HNF4A: variants seen among roughly 807,000 people sequenced by gnomAD.
HNF4A encodes the protein hepatocyte nuclear factor 4-alpha.
In HNF4A, 15 loss-of-function variants were observed where a neutral mutation model predicts 52.4. The observed-to-expected ratio is 0.29, with a 90% confidence interval of 0.19 to 0.44. HNF4A has a LOEUF of 0.44. HNF4A is among the 20% of genes least tolerant of loss of function. The probability of loss-of-function intolerance (pLI) is 1.00; values close to 1 mark genes in which losing one functional copy is unlikely to be tolerated. For missense variants in HNF4A, 479 were observed against 647.2 expected (o/e 0.74, Z 2.82); for synonymous variants, 280 against 264.4 (o/e 1.06, Z -0.57).
chr20:44,377,485 G>A (rs1264895473), intron 1 of HNF4A, among the ~76,000 whole-genome samples: 3 of 152,202 alleles, frequency 2.0e-5, no homozygotes, highest in East Asian at 3.9e-4. Flanking sequence ...ACATGCAGCC[G>A]GGCGCGGTAG....
At position 44,429,526 on chromosome 20, in the gene HNF4A, C is replaced by T. The variant is rs375150423; in HGVS notation, c.1286C>T (p.Thr429Ile). 1.8e-5 allele frequency: 29 copies of T among 1,614,052 alleles called. No homozygotes were observed. Among genetic ancestry groups the T allele is most frequent in the Non-Finnish European group, 2.3e-5 (27 of 1,180,042 alleles). ...GTCTGTCTGTTTGTCCTTCCAGCCA[C>T]CCCTGAGACCCCACAGCCCTCACCG... The change falls in exon 10 of 10, where the codon ACC (threonine) becomes ATC (isoleucine). Residue 429 changes from threonine (T) to isoleucine (I), a missense_variant. By Grantham distance (89) the Thr-to-Ile change is moderately conservative. This residue lies in a region of HNF4A where 389 missense variants were observed against 525.1 expected (regional missense o/e 0.74). Coordinates refer to ENST00000316099, the MANE Select transcript of HNF4A (RefSeq NM_000457.6).
At chr20:44,383,276 T>C (rs1467533708) in intron 1 of HNF4A, among the ~76,000 whole-genome samples, 1 of 152,186 alleles carries the variant, frequency 6.6e-6, no homozygotes, top group Non-Finnish European at 1.5e-5. Flanking sequence ...TTCTAAGCCC[T>C]TTTTATACAT....
intron 8 of HNF4A, among the ~76,000 whole-genome samples, chr20:44,425,391 GGCAAT>G (rs1427082647): frequency 2.0e-5 from 3 of 152,184 alleles, no homozygotes; most frequent in Non-Finnish European, 4.4e-5. Flanking sequence ...CTTGGACCCT[GGCAAT>G]GGAGCAGTGA....
At chr20:44,366,457 C>G (rs2062971176) in intron 1 of HNF4A, among the ~76,000 whole-genome samples, 1 of 152,036 alleles carries the variant, frequency 6.6e-6, no homozygotes. Context: ...CCCATCTCTA[C>G]TAAAAATTCA....
At chr20:44,367,796 C>A (rs1324814918) in intron 1 of HNF4A, among the ~76,000 whole-genome samples, 1 of 151,888 alleles carries the variant, frequency 6.6e-6, no homozygotes, top group Non-Finnish European at 1.5e-5. Context: ...ATAAATTACT[C>A]CTTTAATCCT....
chr20:44,428,334 G>T lies in HNF4A; in HGVS notation c.1130-1G>T. 1 of 1,613,966 alleles carries T rather than the reference G, an allele frequency of 6.2e-7. No individual in the cohort carries two copies. The highest frequency in any genetic ancestry group is 8.5e-7 in the Non-Finnish European group (1 of 1,180,018). ...TCCTGATCGACCTTCTCTACCTGCA[G>T]GGTCCCCCAGCGATGCACCCCATGC... On this transcript the variant is annotated splice_acceptor_variant, in intron 8 of 9. Transcript: ENST00000316099. LOFTEE classifies it high-confidence loss of function.
At chr20:44,404,562 CTGTA>C (rs1428217940) in intron 1 of HNF4A, among the ~76,000 whole-genome samples, 1 of 148,926 alleles carries the variant, frequency 6.7e-6, no homozygotes, top group Non-Finnish European at 1.5e-5. Context: ...TATGTGTGGA[CTGTA>C]TGTGTGCACA....
chr20:44,389,463 T>C (rs1355511560), intron 1 of HNF4A, among the ~76,000 whole-genome samples: 1 of 152,206 alleles, frequency 6.6e-6, no homozygotes, highest in African/African-American at 2.4e-5. Context: ...AAGTATTTCT[T>C]GTGTATCTTA....
chr20:44,414,758 A>G (rs1189313434), intron 5 of HNF4A, 96 bp downstream of exon 5: 19 of 1,165,956 alleles, frequency 1.6e-5, no homozygotes, highest in Non-Finnish European at 2.4e-5. Flanking sequence ...GACTGGCTTG[A>G]TTTTATTTTA....
rs770348231 is a variant in HNF4A, at chr20:44,419,724, A to G, written c.740A>G (p.Asn247Ser). ...CCCTCCCTCCCAACCCTTCCAGGCAATGACTACATTGTCCCTCGGCACTGC... is the reference window on the plus strand; with the variant it reads ...CCCTCCCTCCCAACCCTTCCAGGCAGTGACTACATTGTCCCTCGGCACTGC... The change falls in exon 7 of 10, where the codon AAT becomes AGT. Residue 247 changes from asparagine (N) to serine (S), a missense_variant. Around this residue, in one of 3 missense-constraint regions of HNF4A, gnomAD observed 389 missense variants for 525.1 expected, o/e 0.74. Coordinates refer to ENST00000316099, the MANE Select transcript of HNF4A (RefSeq NM_000457.6). 1 of 1,613,902 alleles carries G rather than the reference A, an allele frequency of 6.2e-7. No homozygotes were observed. Among genetic ancestry groups the G allele is most frequent in the Non-Finnish European group, 8.5e-7 (1 of 1,179,928 alleles).
At chr20:44,380,801 C>G (rs1314592560) in intron 1 of HNF4A, among the ~76,000 whole-genome samples, 2 of 152,092 alleles carry the variant, frequency 1.3e-5, no homozygotes, top group African/African-American at 4.8e-5. Context: ...TTAAAAATTT[C>G]CTGTGCTTTT....
intron 7 of HNF4A, among the ~76,000 whole-genome samples, chr20:44,420,276 G>A (rs2063726397): frequency 6.6e-6 from 1 of 152,038 alleles, no homozygotes; most frequent in South Asian, 2.1e-4. Flanking sequence ...AGGTTGCAGT[G>A]AGCCAAGATC....
chr20:44,397,053 C>T (rs182153816), upstream of HNF4A, among the ~76,000 whole-genome samples: 1 of 152,288 alleles, frequency 6.6e-6, no homozygotes, highest in East Asian at 1.9e-4. Context: ...AGACAGCTGG[C>T]CCTGGGCTTG....
At chr20:44,396,738 G>A (rs1041839498), upstream of HNF4A, among the ~76,000 whole-genome samples, 5 of 152,260 alleles carry the variant, frequency 3.3e-5, no homozygotes, top group African/African-American at 4.8e-5. Flanking sequence ...ATGCCTACAC[G>A]TGGTCATTTA....
chr20:44,411,891 C>CAA (rs34125386), intron 3 of HNF4A, among the ~76,000 whole-genome samples: 177 of 134,890 alleles, frequency 1.3e-3, no homozygotes, highest in Middle Eastern at 7.8e-3. Flanking sequence ...CCCCGTCTCT[C>CAA]AAAAAAAAAA....
intron 1 of HNF4A, among the ~76,000 whole-genome samples, chr20:44,388,191 C>T (rs1185888257): frequency 6.6e-6 from 1 of 151,888 alleles, no homozygotes; most frequent in East Asian, 1.9e-4. Context: ...TGGGATCCAG[C>T]GATCCTCCCA....
intron 1 of HNF4A, among the ~76,000 whole-genome samples, chr20:44,358,956 G>A (rs1166597444): frequency 2.6e-5 from 4 of 152,138 alleles, no homozygotes; most frequent in South Asian, 4.1e-4. Flanking sequence ...CTGGACTTCC[G>A]GTGCTTCCAC....
At chr20:44,414,345 C>G (rs543091954) in intron 4 of HNF4A, among the ~76,000 whole-genome samples, 162 bp from the exon 5 acceptor site, 1 of 152,200 alleles carries the variant, frequency 6.6e-6, no homozygotes, top group Admixed American at 6.5e-5. Flanking sequence ...CCTGCCTCCT[C>G]CCTCCCTCCG....
upstream of HNF4A, among the ~76,000 whole-genome samples, chr20:44,397,436 A>G (rs1409690294): frequency 6.6e-6 from 1 of 152,174 alleles, no homozygotes; most frequent in African/African-American, 2.4e-5. Context: ...TAGGATATCC[A>G]TCACCTCAAA....
Sources: gnomAD v4.1 joint callset for allele counts (sites outside exome capture counted in the v4.1 genomes callset) on GRCh38, gnomAD v4.1.1 for gene constraint, gnomAD v4.1.1 regional missense constraint, MANE v1.5 for transcripts, NCBI Gene and HGNC (gene_info 2026-07-23, HGNC 2026-07-21) for gene names.